Variants in ITPR2 observed in about 807,000 individuals in gnomAD.
ITPR2 encodes inositol 1,4,5-trisphosphate receptor type 2.
In ITPR2, 207 loss-of-function variants were observed where a neutral mutation model predicts 317.1. That is an observed-to-expected ratio of 0.65 (90% CI 0.58 to 0.73). The LOEUF is 0.73. Ranked by LOEUF, ITPR2 falls within the 30% of genes least tolerant of loss-of-function variation. The pLI, the probability that ITPR2 is intolerant of heterozygous loss-of-function variation, is 0.00. For synonymous variants in ITPR2, 1,156 were observed against 1,149.1 expected, an observed-to-expected ratio of 1.01 and a Z score of -0.12; for missense variants, 2,613 against 3,284.0, an observed-to-expected ratio of 0.80 and a Z score of 4.99.
At chr12:26,381,842 C>T (rs1021684450) in intron 55 of ITPR2, among the ~76,000 whole-genome samples, 5 of 152,198 alleles carry the variant, frequency 3.3e-5, no homozygotes, top group Admixed American at 2.0e-4. Flanking sequence ...TCTCCAGACA[C>T]GCATGCCGCC....
At chr12:26,437,853 G>A (rs769077600) in intron 47 of ITPR2, among the ~76,000 whole-genome samples, 5 of 152,264 alleles carry the variant, frequency 3.3e-5, no homozygotes, top group Middle Eastern at 6.8e-3. Context: ...CCAGGCTGGA[G>A]TGCAGTGTTG....
rs138608236 is a variant in ITPR2, at chr12:26,349,872, A to G, written c.7858-9544T>C. Among the ~76,000 whole-genome samples the G allele has an allele frequency of 8.4e-3, 1,280 of 152,348 alleles. 10 individuals are homozygous for G. Among genetic ancestry groups the G allele is most frequent in the Non-Finnish European group, 0.013 (862 of 68,038 alleles). On this transcript the variant is annotated intron_variant, in intron 55 of 56. Transcript: ENST00000381340. Reference sequence around the variant, plus strand: ...AAAAAGAGTCTCCATGAAAGTGCCCATGAAGGAGGAGAGTTCTGGGATGAA... The same window carrying G: ...AAAAAGAGTCTCCATGAAAGTGCCCGTGAAGGAGGAGAGTTCTGGGATGAA...
At chr12:26,737,111 C>A (rs1949134921) in intron 2 of ITPR2, among the ~76,000 whole-genome samples, 1 of 151,940 alleles carries the variant, frequency 6.6e-6, no homozygotes, top group Admixed American at 6.6e-5. Flanking sequence ...GGAAAAAATC[C>A]AAAAAATACA....
rs1946509981 is a variant in ITPR2 at position 26,622,119 on chromosome 12, G to GA, written c.3288+120dup. On this transcript the variant is annotated intron_variant, in intron 25 of 56. Transcript: ENST00000381340. ...AAGGCCATGTCTCTGTTTAAAAATAGAAAGTGTCTCCAGGAAAAGCCACAC... is the reference window on the plus strand; with the variant it reads ...AAGGCCATGTCTCTGTTTAAAAATAGAAAAGTGTCTCCAGGAAAAGCCACAC... The GA allele has an allele frequency of 5.2e-6, 4 of 774,002 alleles. No homozygotes were observed. In the South Asian group the frequency reaches 1.1e-4, roughly 22 times the overall value. 47.9% of individuals were successfully genotyped at this position (774,002 alleles called of 1,614,324 possible). A position where few individuals can be genotyped will look rare whatever the true frequency, so the allele number is the denominator to read the frequency against.
At chr12:26,367,004 T>C (rs1367067087) in intron 55 of ITPR2, among the ~76,000 whole-genome samples, 1 of 152,158 alleles carries the variant, frequency 6.6e-6, no homozygotes, top group Non-Finnish European at 1.5e-5. Flanking sequence ...TCTCCCAAAT[T>C]CTCAAGAATA....
intron 34 of ITPR2, among the ~76,000 whole-genome samples, chr12:26,578,198 A>C (rs1458666552): frequency 7.5e-6 from 1 of 133,100 alleles, no homozygotes; most frequent in East Asian, 2.0e-4. Flanking sequence ...CTCTCTCGAC[A>C]CCCCACCCCC....
chr12:26,802,590 TATATAGATATAGATATAGATATATATAG>T (rs1398287878), intron 1 of ITPR2, among the ~76,000 whole-genome samples: 3 of 9,718 alleles, frequency 3.1e-4, no homozygotes, highest in Non-Finnish European at 7.4e-4. Context: ...GATATATCTA[TATATAGATATAGATATAGATATATATAG>T]ATATAGATAT....
chr12:26,448,002 T>TAAAAAA (rs10648745), intron 45 of ITPR2, among the ~76,000 whole-genome samples: 4,572 of 147,560 alleles, frequency 0.031, 85 homozygotes, highest in Middle Eastern at 0.073. Flanking sequence ...GACTTTTTTT[T>TAAAAAA]AAAAAAAAAA....
intron 52 of ITPR2, among the ~76,000 whole-genome samples, chr12:26,409,495 A>G (rs1450462145): frequency 6.6e-6 from 1 of 152,092 alleles, no homozygotes; most frequent in Non-Finnish European, 1.5e-5. Context: ...CATTTCTGGC[A>G]CCCTTAATGG....
chr12:26,580,268 C>A, intron 32 of ITPR2, 113 bp from the exon 33 acceptor site: 1 of 928,690 alleles, frequency 1.1e-6, no homozygotes, highest in Non-Finnish European at 1.6e-6. Flanking sequence ...ATTTCTTCTG[C>A]TTTTTAAAGT....
chr12:26,505,668 A>G (rs993242580), intron 37 of ITPR2, among the ~76,000 whole-genome samples: 1 of 152,178 alleles, frequency 6.6e-6, no homozygotes, highest in Non-Finnish European at 1.5e-5. Context: ...GATTATAAGT[A>G]CCATGAGGAC....
chr12:26,503,081 T>A (rs962852220), intron 37 of ITPR2, among the ~76,000 whole-genome samples: 4 of 152,014 alleles, frequency 2.6e-5, no homozygotes, highest in Non-Finnish European at 5.9e-5. Flanking sequence ...TGTGACCTCC[T>A]GACCCACAAA....
rs535323686 is a variant in ITPR2 at position 26,699,923 on chromosome 12, AT to A, written c.952-4274del. On this transcript the variant is annotated intron_variant, in intron 9 of 56. Transcript: ENST00000381340. Reference sequence around the variant, plus strand: ...GACTTAATGTCTTTATGTTAAAAAAATAAATTATAAATCTGGCATTGGAGAG... The same window carrying A: ...GACTTAATGTCTTTATGTTAAAAAAAAAATTATAAATCTGGCATTGGAGAG... 2.8e-3 allele frequency among the ~76,000 whole-genome samples: 431 copies of A among 152,308 alleles called. 2 individuals carry two copies. Among genetic ancestry groups the A allele is most frequent in the African/African-American group, 9.9e-3 (413 of 41,552 alleles).
At chr12:26,684,779 G>T (rs890177345) in intron 11 of ITPR2, among the ~76,000 whole-genome samples, 9 of 152,016 alleles carry the variant, frequency 5.9e-5, no homozygotes, top group Non-Finnish European at 1.5e-5. Flanking sequence ...AAATTCTCTT[G>T]GTTAGAGTTC....
chr12:26,706,690 A>G (rs1052829186), intron 9 of ITPR2, among the ~76,000 whole-genome samples: 1 of 152,208 alleles, frequency 6.6e-6, no homozygotes, highest in African/African-American at 2.4e-5. Flanking sequence ...TTTTAATGAC[A>G]TCACTGATCT....
At chr12:26,793,040 G>T in intron 1 of ITPR2, among the ~76,000 whole-genome samples, 1 of 152,138 alleles carries the variant, frequency 6.6e-6, no homozygotes, top group Non-Finnish European at 1.5e-5. Context: ...TAGCTCCTGT[G>T]GCAGTTAAGG....
At chr12:26,796,339 C>A (rs541970025) in intron 1 of ITPR2, among the ~76,000 whole-genome samples, 6 of 152,252 alleles carry the variant, frequency 3.9e-5, no homozygotes, top group Admixed American at 1.3e-4. Flanking sequence ...CCACTAATAT[C>A]TTTTAGAAGT....
intron 55 of ITPR2, chr12:26,373,454 C>T (rs1469650771): frequency 6.6e-6 from 1 of 152,180 alleles, no homozygotes; most frequent in Non-Finnish European, 1.5e-5. Context: ...GGTACCTTTG[C>T]AAATAAACCA....
intron 14 of ITPR2, among the ~76,000 whole-genome samples, chr12:26,665,220 A>G (rs1299522094): frequency 6.6e-6 from 1 of 152,198 alleles, no homozygotes; most frequent in East Asian, 1.9e-4. Context: ...AGACTGCCCT[A>G]CTTTCCCAGG....
Sources: gnomAD v4.1 joint callset for allele counts (sites outside exome capture counted in the v4.1 genomes callset) on GRCh38, gnomAD v4.1.1 for gene constraint, MANE v1.5 for transcripts, NCBI Gene and HGNC (gene_info 2026-07-23, HGNC 2026-07-21) for gene names.